The following TNNT2 variants were observed in gnomAD, a reference collection of about 807,000 sequenced individuals.
TNNT2 encodes troponin T, cardiac muscle.
In TNNT2, 34 loss-of-function variants were observed where a neutral mutation model predicts 62.4. That is an observed-to-expected ratio of 0.54 (90% CI 0.41 to 0.72). TNNT2 has a LOEUF of 0.72. Among genes scored for constraint, TNNT2 ranks in the 30% least tolerant of loss-of-function variants. The pLI is 0.00. For synonymous variants in TNNT2, 123 were observed against 127.2 expected, an observed-to-expected ratio of 0.97 and a Z score of 0.22; for missense variants, 275 against 381.9, an observed-to-expected ratio of 0.72 and a Z score of 2.33.
chr1:201,365,604 G>T lies in TNNT2; in HGVS notation c.294+6C>A. The T allele has an allele frequency of 1.2e-6, 2 of 1,613,842 alleles. No homozygotes were observed. The highest frequency in any genetic ancestry group is 1.7e-6 in the Non-Finnish European group (2 of 1,179,874). ...CAGGCCTACTCAACCCACAGCCACCGCTTACATCAAAGTCCACTCTCTCTC... is the reference window on the plus strand; with the variant it reads ...CAGGCCTACTCAACCCACAGCCACCTCTTACATCAAAGTCCACTCTCTCTC... On this transcript the variant is annotated splice_donor_region_variant and intron_variant, in intron 9 of 16. Transcript: ENST00000656932.
intron 4 of TNNT2, among the ~76,000 whole-genome samples, chr1:201,371,256 T>C (rs1317323131): frequency 1.3e-5 from 2 of 152,186 alleles, no homozygotes; most frequent in African/African-American, 4.8e-5. Context: ...CTGAGTCATT[T>C]CCATGTGCCA....
chr1:201,372,665 T>A (rs1303723768), intron 2 of TNNT2, among the ~76,000 whole-genome samples: 2 of 152,144 alleles, frequency 1.3e-5, no homozygotes, highest in Non-Finnish European at 2.9e-5. Context: ...CAAGAGTAAG[T>A]TCTGTGAGGG....
At chr1:201,362,090 A>C (rs1571606687) in intron 13 of TNNT2, 68 bp from the exon 14 acceptor site, 10 of 1,527,968 alleles carry the variant, frequency 6.5e-6, no homozygotes, top group South Asian at 1.1e-5. Context: ...CCCTCCCCAA[A>C]CCCCCTGGGG....
chr1:201,369,476 G>A, intron 5 of TNNT2: 2 of 493,892 alleles, frequency 4.0e-6, no homozygotes, highest in Non-Finnish European at 8.2e-6. Context: ...GGTGTGCGCG[G>A]GGGCAGGGTG....
chr1:201,368,412 C>T (rs774827510), intron 5 of TNNT2, 185 bp from the exon 6 acceptor site: 47 of 675,242 alleles, frequency 7.0e-5, no homozygotes, highest in Non-Finnish European at 1.0e-4. Context: ...GGCTACCTCC[C>T]GCCACCCAGC....
At chr1:201,366,500 C>T (rs1659691439) in intron 8 of TNNT2, 2 of 1,204,840 alleles carry the variant, frequency 1.7e-6, no homozygotes, top group South Asian at 3.9e-5. Context: ...ATTTGCTTCC[C>T]TTAATCCCAA....
intron 4 of TNNT2, 87 bp from the exon 5 acceptor site, chr1:201,369,932 C>T (rs1274292975): frequency 4.0e-6 from 6 of 1,485,140 alleles, no homozygotes; most frequent in Non-Finnish European, 5.6e-6. Flanking sequence ...AGCAGCCACC[C>T]AGCGCAGTGG....
At chr1:201,360,037 A>G (rs1176860544) in intron 15 of TNNT2, among the ~76,000 whole-genome samples, 1 of 152,124 alleles carries the variant, frequency 6.6e-6, no homozygotes. Context: ...CCAGCTGCCC[A>G]CCATCCCGGA....
chr1:201,367,856 C>A (rs3729843), intron 6 of TNNT2, 50 bp from the exon 7 acceptor site: 142 of 1,607,176 alleles, frequency 8.8e-5, no homozygotes, highest in African/African-American at 1.3e-5. Context: ...GAGCTCAAGT[C>A]CCCCCCTCCG....
intron 15 of TNNT2, chr1:201,360,376 A>G (rs1658387145): frequency 6.5e-6 from 1 of 153,928 alleles, no homozygotes; most frequent in Non-Finnish European, 1.4e-5. Flanking sequence ...TATCTCTGTA[A>G]CCCTCACAAT....
intron 9 of TNNT2, 49 bp from the exon 10 acceptor site, chr1:201,365,356 G>A: frequency 6.6e-7 from 1 of 1,512,848 alleles, no homozygotes; most frequent in Non-Finnish European, 9.2e-7. Flanking sequence ...AAAGAGTCCA[G>A]AGGAGAGATG....
At chr1:201,374,871 C>G (rs913359906) in intron 1 of TNNT2, 1 of 152,204 alleles carries the variant, frequency 6.6e-6, no homozygotes, top group African/African-American at 2.4e-5. Context: ...TGTTGGCTTC[C>G]AAGGGAGAGA....
At chr1:201,375,559 C>T (rs1207466650) in intron 1 of TNNT2, among the ~76,000 whole-genome samples, 1 of 152,230 alleles carries the variant, frequency 6.6e-6, no homozygotes, top group Non-Finnish European at 1.5e-5. Context: ...ACTCAAACCC[C>T]AGAGGTTCTC....
chr1:201,365,254 G>A lies in TNNT2; in HGVS notation c.348C>T (p.Ile116=), dbSNP rs3729547. ...TCTTCCTGTTCTCAAAGTGAGCCTCGATCAGCGCCTGCAACTCATTCAGGT... is the reference window on the plus strand; with the variant it reads ...TCTTCCTGTTCTCAAAGTGAGCCTCAATCAGCGCCTGCAACTCATTCAGGT... ...EKDLNELQAL[I]EAHFENRKKE... Residue 116 remains isoleucine (I), a synonymous_variant, in exon 10 of 17, where the codon ATC becomes ATT. Transcript: ENST00000656932. The A allele has an allele frequency of 0.71, 1,152,227 of 1,613,718 alleles. 413,386 individuals are homozygous for A. Among genetic ancestry groups the A allele is most frequent in the South Asian group, 0.81 (74,031 of 91,070 alleles).
Position 201,367,799 on chromosome 1 carries a change from T to G in TNNT2, c.171A>C (p.Glu57Asp). 2 of 1,614,136 alleles carry G rather than the reference T, an allele frequency of 1.2e-6. No individual in the cohort carries two copies. Among genetic ancestry groups the G allele is most frequent in the Non-Finnish European group, 1.7e-6 (2 of 1,180,022 alleles). Reference sequence around the variant, plus strand: ...CAGCCTCCTTTGCTTCCTCTTCTTCTTCATCTTCTAAATGAAACACGAGAA... The same window carrying G: ...CAGCCTCCTTTGCTTCCTCTTCTTCGTCATCTTCTAAATGAAACACGAGAA... ...ETEETRAEED[E>D]EEEEAKEAED... The change falls in exon 7 of 17, where the codon GAA (glutamate) becomes GAC (aspartate). Residue 57 changes from glutamate (E) to aspartate (D), a missense_variant. Coordinates refer to ENST00000656932, the MANE Select transcript of TNNT2 (RefSeq NM_001276345.2).
At chr1:201,366,999 T>C (rs1183180182) in intron 7 of TNNT2, 128 bp from the exon 8 acceptor site, 1 of 1,494,272 alleles carries the variant, frequency 6.7e-7, no homozygotes, top group African/African-American at 1.4e-5. Context: ...CTCCCGGCAC[T>C]GGGGAGCCCT....
At position 201,369,797 on chromosome 1, in the gene TNNT2, G is replaced by T. The variant is rs368794635; in HGVS notation, c.97+19C>A. The T allele has an allele frequency of 1.9e-6, 3 of 1,614,036 alleles. No individual in the cohort carries two copies. Among genetic ancestry groups the T allele is most frequent in the Non-Finnish European group, 2.5e-6 (3 of 1,180,008 alleles). On this transcript the variant is annotated intron_variant, in intron 5 of 16. Transcript: ENST00000656932. ...ACAGCAGGCAGCAGAAAGCACCACAGAAGGAAAGGCTGTACTACCGTCTTC... is the reference window on the plus strand; with the variant it reads ...ACAGCAGGCAGCAGAAAGCACCACATAAGGAAAGGCTGTACTACCGTCTTC...
Position 201,359,096 on chromosome 1 carries a change from C to G in TNNT2, c.*114G>C. On this transcript the variant is annotated 3_prime_UTR_variant, in exon 17 of 17. Coordinates refer to ENST00000656932, the MANE Select transcript of TNNT2 (RefSeq NM_001276345.2). ...TGGTGGCTCCCACCTAGGCCAGCTCCCCATTTCCAAACAGGAGCTGCCTGG... is the reference window on the plus strand; with the variant it reads ...TGGTGGCTCCCACCTAGGCCAGCTCGCCATTTCCAAACAGGAGCTGCCTGG... 1 of 1,399,668 alleles carries G rather than the reference C, an allele frequency of 7.1e-7. No individual in the cohort carries two copies. The highest frequency in any genetic ancestry group is 9.9e-7 in the Non-Finnish European group (1 of 1,010,036). The allele number at this position is 1,399,668 out of a possible 1,614,324, so 86.7% of individuals were successfully genotyped here.
At position 201,373,215 on chromosome 1, in the gene TNNT2, C is replaced by A. The variant is rs772890125; in HGVS notation, c.40G>T (p.Glu14Ter). Reference protein sequence around the residue: ...IEEVVEEYEEEEQEEAAVEEE... With the variant: ...IEEVVEEYEE ...AGGCAAGATGCTCCAGATACTCACTCCTCCTCGTACTCTTCCACCACCTCT... is the reference window on the plus strand; with the variant it reads ...AGGCAAGATGCTCCAGATACTCACTACTCCTCGTACTCTTCCACCACCTCT... Residue 14 changes from glutamate to a stop codon, truncating the protein, a stop_gained and splice_region_variant, in exon 2 of 17, where the codon GAG becomes TAG. Transcript: ENST00000656932. LOFTEE classifies it high-confidence loss of function. The A allele has an allele frequency of 1.2e-6, 2 of 1,614,150 alleles. No individual in the cohort carries two copies. The highest frequency in any genetic ancestry group is 1.7e-6 in the Non-Finnish European group (2 of 1,180,014).
Sources: gnomAD v4.1 joint callset for allele counts (sites outside exome capture counted in the v4.1 genomes callset) on GRCh38, gnomAD v4.1.1 for gene constraint, MANE v1.5 for transcripts, NCBI Gene and HGNC (gene_info 2026-07-23, HGNC 2026-07-21) for gene names.